Variants in PTPRD observed in about 807,000 individuals in gnomAD.
PTPRD encodes protein tyrosine phosphatase receptor type D, also known as receptor-type tyrosine-protein phosphatase delta.
A neutral mutation model predicts 214.5 loss-of-function variants in PTPRD; 34 were observed. That is an observed-to-expected ratio of 0.16 (90% CI 0.12 to 0.21). The LOEUF (loss-of-function observed/expected upper bound fraction) is 0.21, where lower values mean the gene tolerates loss of function less well. PTPRD is among the 10% of genes least tolerant of loss of function. The pLI is 1.00. For synonymous variants in PTPRD, 1,128 were observed against 845.7 expected (o/e 1.33, Z -5.79); for missense variants, 2,545 against 2,398.7 (o/e 1.06, Z -1.27).
chr9:8,674,002 A>G (rs2097346043), intron 12 of PTPRD, among the ~76,000 whole-genome samples: 1 of 152,154 alleles, frequency 6.6e-6, no homozygotes, highest in African/African-American at 2.4e-5. Context: ...CTTCCCCACC[A>G]GGTGGAGACC....
chr9:10,281,857 G>C (rs1159766495), intron 3 of PTPRD, among the ~76,000 whole-genome samples: 1 of 151,950 alleles, frequency 6.6e-6, no homozygotes, highest in East Asian at 1.9e-4. Flanking sequence ...TCTAGAACAA[G>C]GATTAGCATT....
At chr9:9,380,308 T>G (rs1415015673) in intron 9 of PTPRD, among the ~76,000 whole-genome samples, 1 of 152,082 alleles carries the variant, frequency 6.6e-6, no homozygotes, top group African/African-American at 2.4e-5. Context: ...AAAATTGTCT[T>G]GAGATTTCTT....
In PTPRD at chr9:8,711,038, T is replaced by C. The variant is rs556207919; in HGVS notation, c.64+22742A>G. Reference sequence around the variant, plus strand: ...CTAGATGTGAAAGTATCTTACTTTATTTTAATGTCAGATATCCAAAATGTC... The same window carrying C: ...CTAGATGTGAAAGTATCTTACTTTACTTTAATGTCAGATATCCAAAATGTC... On this transcript the variant is annotated intron_variant, in intron 12 of 45. Coordinates refer to ENST00000381196, the MANE Select transcript of PTPRD (RefSeq NM_002839.4). 9.2e-5 allele frequency among the ~76,000 whole-genome samples: 14 copies of C among 152,238 alleles called. No individual in the cohort carries two copies. The East Asian group carries it at 2.5e-3, about 27-fold the overall frequency.
chr9:9,701,379 G>A (rs2097499005), intron 7 of PTPRD, among the ~76,000 whole-genome samples: 1 of 152,182 alleles, frequency 6.6e-6, no homozygotes, highest in African/African-American at 2.4e-5. Context: ...GGTGTGAACT[G>A]GAAGCAGAGA....
rs1036408716 is a variant in PTPRD, at chr9:8,331,789, C to CAGCA, written c.5380-57_5380-54dup. ...CGCAAAGGAAGACGCCAGGAGGATT[C>CAGCA]AGCAAGCATACGGACCACAAGAACA... On this transcript the variant is annotated intron_variant, in intron 43 of 45. Coordinates refer to ENST00000381196, the MANE Select transcript of PTPRD (RefSeq NM_002839.4). 82 of 1,519,346 alleles carry CAGCA rather than the reference C, an allele frequency of 5.4e-5. 1 individual carries two copies. Among genetic ancestry groups the CAGCA allele is most frequent in the Admixed American group, 2.1e-4 (9 of 43,868 alleles). The allele number at this position is 1,519,346 out of a possible 1,614,324, so 94.1% of individuals were successfully genotyped here.
chr9:9,380,479 C>T lies in PTPRD; in HGVS notation c.-203+16970G>A, dbSNP rs528926541. On this transcript the variant is annotated intron_variant, in intron 9 of 45. Coordinates refer to ENST00000381196, the MANE Select transcript of PTPRD (RefSeq NM_002839.4). Reference sequence around the variant, plus strand: ...GAAATAAGCCCATCATGGATCTCCTCATATTTTAGAATTTTCCAGTTATCT... The same window carrying T: ...GAAATAAGCCCATCATGGATCTCCTTATATTTTAGAATTTTCCAGTTATCT... 5.9e-5 allele frequency among the ~76,000 whole-genome samples: 9 copies of T among 152,150 alleles called. No individual in the cohort carries two copies. In the East Asian group the frequency reaches 1.7e-3, roughly 29 times the overall value.
intron 4 of PTPRD, among the ~76,000 whole-genome samples, chr9:9,951,185 G>C (rs1007972221): frequency 1.3e-5 from 2 of 152,076 alleles, no homozygotes; most frequent in Non-Finnish European, 2.9e-5. Context: ...ATGAGGTCTA[G>C]CTTCTATTAA....
chr9:9,297,396 T>C (rs1953487998), intron 9 of PTPRD, among the ~76,000 whole-genome samples: 2 of 151,798 alleles, frequency 1.3e-5, no homozygotes, highest in South Asian at 4.1e-4. Context: ...CAAATCTTAC[T>C]TCTCCCCATC....
intron 44 of PTPRD, among the ~76,000 whole-genome samples, chr9:8,323,652 G>T (rs1236133174): frequency 6.6e-6 from 1 of 152,154 alleles, no homozygotes; most frequent in Non-Finnish European, 1.5e-5. Context: ...AGATGGGACT[G>T]AACTGCTGCA....
chr9:9,114,781 G>A (rs1325351903), intron 10 of PTPRD, among the ~76,000 whole-genome samples: 2 of 152,084 alleles, frequency 1.3e-5, no homozygotes, highest in East Asian at 1.9e-4. Context: ...GGGGGAGATG[G>A]CTTTGAAACG....
chr9:9,275,174 A>ATATGTTATATATATATAT (rs1491381199), intron 9 of PTPRD, among the ~76,000 whole-genome samples: 4 of 28,952 alleles, frequency 1.4e-4, no homozygotes, highest in African/African-American at 6.6e-4. Context: ...ACATATATAT[A>ATATGTTATATATATATAT]ATATATATGT....
chr9:8,869,759 C>T (rs1359247264), intron 11 of PTPRD, among the ~76,000 whole-genome samples: 1 of 150,764 alleles, frequency 6.6e-6, no homozygotes, highest in Non-Finnish European at 1.5e-5. Context: ...TCACAGGTGG[C>T]ACCATTTTAC....
At chr9:8,972,306 G>A (rs1386116817) in intron 11 of PTPRD, among the ~76,000 whole-genome samples, 1 of 151,858 alleles carries the variant, frequency 6.6e-6, no homozygotes. Flanking sequence ...AACTCTATTA[G>A]ACATGAATAA....
intron 8 of PTPRD, among the ~76,000 whole-genome samples, chr9:9,571,588 T>C (rs1342553416): frequency 1.3e-5 from 2 of 151,184 alleles, no homozygotes; most frequent in Admixed American, 6.6e-5. Flanking sequence ...AATAATATCA[T>C]ATGGAAATAA....
intron 2 of PTPRD, among the ~76,000 whole-genome samples, chr9:10,345,318 C>T (rs912610416): frequency 6.6e-6 from 1 of 151,884 alleles, no homozygotes; most frequent in Non-Finnish European, 1.5e-5. Context: ...GGATATATGG[C>T]AGGTTTGTTA....
intron 10 of PTPRD, among the ~76,000 whole-genome samples, chr9:9,071,364 C>T (rs1332859471): frequency 6.6e-6 from 1 of 152,066 alleles, no homozygotes; most frequent in Non-Finnish European, 1.5e-5. Context: ...TTGAGTTAGT[C>T]AAGAGGGAAA....
chr9:10,489,905 C>A (rs1172661160), intron 2 of PTPRD, among the ~76,000 whole-genome samples: 1 of 152,168 alleles, frequency 6.6e-6, no homozygotes, highest in Non-Finnish European at 1.5e-5. Context: ...TGACTCCAGA[C>A]TATTTTGCTT....
intron 2 of PTPRD, among the ~76,000 whole-genome samples, chr9:10,511,954 GTA>G (rs1189454338): frequency 6.2e-5 from 4 of 64,906 alleles, no homozygotes; most frequent in Non-Finnish European, 1.3e-4. Context: ...ATACGTGTGT[GTA>G]TATATATATA....
At chr9:9,355,645 G>A (rs988146508) in intron 9 of PTPRD, among the ~76,000 whole-genome samples, 5 of 151,614 alleles carry the variant, frequency 3.3e-5, no homozygotes, top group South Asian at 2.1e-4. Context: ...AGTTGGATAT[G>A]TAAGTCTGGA....
Sources: allele counts gnomAD v4.1 joint callset (sites outside exome capture counted in the v4.1 genomes callset), GRCh38; gene constraint gnomAD v4.1.1; transcripts MANE v1.5; gene names NCBI Gene and HGNC (gene_info 2026-07-23, HGNC 2026-07-21).